C9orf72: variants seen among roughly 807,000 people sequenced by gnomAD.
C9orf72 encodes guanine nucleotide exchange factor C9orf72.
In C9orf72, 44 loss-of-function variants were observed where a neutral mutation model predicts 51.6. The observed-to-expected ratio is 0.85, with a 90% CI of 0.67 to 1.10. C9orf72 has a LOEUF of 1.10. C9orf72 is among the 50% of genes least tolerant of loss of function. The pLI is 0.00. For synonymous variants in C9orf72, 213 were observed against 194.2 expected (o/e 1.10, Z -0.81); for missense variants, 607 against 570.6 (o/e 1.06, Z -0.65).
rs934443061 is a variant in C9orf72 at position 27,573,457 on chromosome 9, C to A, written c.-71G>T. The A allele has an allele frequency of 6.7e-6, 1 of 149,850 alleles. No individual in the cohort carries two copies. Among genetic ancestry groups the A allele is most frequent in the African/African-American group, 2.5e-5 (1 of 40,708 alleles). The allele number at this position is 149,850 out of a possible 1,614,324, so 9.3% of individuals were successfully genotyped here. ...CACTCGCCACCGCCTGCGCCTCCGC[C>A]GCCGCGGGCGCAGGCACCGCAACCG... On this transcript the variant is annotated 5_prime_UTR_variant, in exon 1 of 11. Coordinates refer to ENST00000380003, the MANE Select transcript of C9orf72 (RefSeq NM_018325.5).
intron 9 of C9orf72, among the ~76,000 whole-genome samples, chr9:27,549,740 TG>T (rs1423742164): frequency 6.6e-6 from 1 of 150,912 alleles, no homozygotes; most frequent in East Asian, 1.9e-4. Flanking sequence ...AAAATATTTT[TG>T]AGTCATTTCA....
chr9:27,548,523 A>C, intron 10 of C9orf72, 34 bp downstream of exon 10: 1 of 1,496,972 alleles, frequency 6.7e-7, no homozygotes. Flanking sequence ...AACAATGTAC[A>C]AAGGTTTTTC....
chr9:27,552,731 G>GT (rs1411097956), intron 8 of C9orf72, among the ~76,000 whole-genome samples: 1 of 151,890 alleles, frequency 6.6e-6, no homozygotes, highest in Non-Finnish European at 1.5e-5. Flanking sequence ...TAATCTTGTG[G>GT]TTTTTGTTTT....
At chr9:27,571,324 A>G (rs936418339) in intron 1 of C9orf72, 4 of 152,238 alleles carry the variant, frequency 2.6e-5, no homozygotes, top group African/African-American at 7.2e-5. Context: ...AACTGTTAGT[A>G]GAGTGCTAAG....
intron 7 of C9orf72, among the ~76,000 whole-genome samples, chr9:27,557,434 AT>A (rs1367434925): frequency 6.6e-6 from 1 of 152,158 alleles, no homozygotes; most frequent in African/African-American, 2.4e-5. Flanking sequence ...TTTTACTATT[AT>A]AATGCTGTGA....
intron 8 of C9orf72, among the ~76,000 whole-genome samples, chr9:27,551,221 C>T (rs1820900313): frequency 6.6e-6 from 1 of 152,212 alleles, no homozygotes; most frequent in Non-Finnish European, 1.5e-5. Context: ...TTTGCCTCAA[C>T]AAGCCCACCA....
chr9:27,560,373 G>C, intron 5 of C9orf72, 74 bp from the exon 6 acceptor site: 1 of 1,106,676 alleles, frequency 9.0e-7, no homozygotes, highest in Non-Finnish European at 1.3e-6. Context: ...AAAAAAAGTA[G>C]GTGAGCTCTT....
At chr9:27,567,274 G>T in intron 1 of C9orf72, 110 bp from the exon 2 acceptor site, 1 of 638,990 alleles carries the variant, frequency 1.6e-6, no homozygotes, top group Non-Finnish European at 2.7e-6. Context: ...TCAAAGATGT[G>T]GAATCCTGTT....
chr9:27,572,966 T>C (rs1819620784), intron 1 of C9orf72, among the ~76,000 whole-genome samples: 5 of 152,242 alleles, frequency 3.3e-5, no homozygotes, highest in Admixed American at 1.3e-4. Context: ...CCCCATCTCA[T>C]CCCGCATGAT....
chr9:27,566,104 G>A (rs540607253), intron 2 of C9orf72, among the ~76,000 whole-genome samples: 108 of 152,210 alleles, frequency 7.1e-4, no homozygotes, highest in African/African-American at 2.4e-3. Flanking sequence ...AATTCAATGT[G>A]TTCTTTAGAT....
At chr9:27,557,918 T>C (rs1234388292) in intron 7 of C9orf72, among the ~76,000 whole-genome samples, 1 of 151,894 alleles carries the variant, frequency 6.6e-6, no homozygotes, top group Non-Finnish European at 1.5e-5. Context: ...CTTGGGACTA[T>C]AATTGAAATA....
chr9:27,565,430 G>C, intron 3 of C9orf72, 101 bp downstream of exon 3: 2 of 678,716 alleles, frequency 2.9e-6, no homozygotes, highest in Non-Finnish European at 5.0e-6. Context: ...TCCATTAAAG[G>C]CTTATTCGTA....
At chr9:27,549,151 G>C (rs536379789) in intron 9 of C9orf72, among the ~76,000 whole-genome samples, 25 of 152,170 alleles carry the variant, frequency 1.6e-4, no homozygotes, top group Non-Finnish European at 3.4e-4. Context: ...CAATCTGACA[G>C]TTTTTAGAAG....
intron 3 of C9orf72, 111 bp from the exon 4 acceptor site, chr9:27,562,587 G>A (rs1331737174): frequency 1.2e-5 from 6 of 480,668 alleles, no homozygotes; most frequent in South Asian, 4.6e-5. Flanking sequence ...AAAATACTTC[G>A]TAATTTGTTC....
intron 9 of C9orf72, among the ~76,000 whole-genome samples, chr9:27,549,251 A>G (rs1045213779): frequency 6.6e-6 from 1 of 152,234 alleles, no homozygotes; most frequent in Non-Finnish European, 1.5e-5. Flanking sequence ...ACTCATACAT[A>G]AGTTATTTCG....
intron 5 of C9orf72, chr9:27,560,794 T>G: frequency 2.1e-6 from 2 of 970,998 alleles, no homozygotes; most frequent in Non-Finnish European, 2.4e-6. Flanking sequence ...ACTTTATACT[T>G]TTACTTCTCT....
At chr9:27,557,907 T>A (rs1353435686) in intron 7 of C9orf72, among the ~76,000 whole-genome samples, 1 of 151,910 alleles carries the variant, frequency 6.6e-6, no homozygotes, top group African/African-American at 2.4e-5. Flanking sequence ...TTTCTTCACG[T>A]CTTGGGACTA....
chr9:27,560,669 T>C (rs1587311795), intron 5 of C9orf72: 2 of 997,876 alleles, frequency 2.0e-6, no homozygotes, highest in Non-Finnish European at 2.4e-6. Context: ...ACTGAACAGA[T>C]ACAGGACTAA....
intron 9 of C9orf72, among the ~76,000 whole-genome samples, chr9:27,548,944 A>G (rs1411753506): frequency 2.0e-5 from 3 of 151,976 alleles, no homozygotes; most frequent in Non-Finnish European, 4.4e-5. Context: ...TCCTGGGTTC[A>G]AGCGATTCTC....
Sources: gnomAD v4.1 joint callset for allele counts (sites outside exome capture counted in the v4.1 genomes callset) on GRCh38, gnomAD v4.1.1 for gene constraint, MANE v1.5 for transcripts, NCBI Gene and HGNC (gene_info 2026-07-23, HGNC 2026-07-21) for gene names.